The following SLC36A1 variants were observed in gnomAD, a reference collection of about 807,000 sequenced individuals.
SLC36A1 encodes solute carrier family 36 member 1, also known as proton-coupled amino acid transporter 1.
Under a neutral mutation model 47.5 loss-of-function variants are expected in SLC36A1, and 30 were observed. The observed-to-expected ratio is 0.63, with a 90% CI of 0.47 to 0.86. The LOEUF is 0.86. SLC36A1 is among the 40% of genes least tolerant of loss of function. SLC36A1 has a pLI of 0.00. For synonymous variants in SLC36A1, 255 were observed against 249.7 expected, an observed-to-expected ratio of 1.02 and a Z score of -0.20; for missense variants, 517 against 606.0, an observed-to-expected ratio of 0.85 and a Z score of 1.54.
At chr5:151,470,464 C>A (rs960407737) in intron 7 of SLC36A1, among the ~76,000 whole-genome samples, 1 of 152,204 alleles carries the variant, frequency 6.6e-6, no homozygotes, top group African/African-American at 2.4e-5. Context: ...TGCATAAGGG[C>A]AGCCCTGCTG....
chr5:151,527,170 A>G, the SLC36A1 span: 2 of 1,506,618 alleles, frequency 1.3e-6, no homozygotes, highest in Non-Finnish European at 1.8e-6. Context: ...ACTGAGGGGC[A>G]TCTTCTGCTA....
the SLC36A1 span, chr5:151,534,408 C>T: frequency 2.5e-6 from 4 of 1,604,160 alleles, no homozygotes; most frequent in Non-Finnish European, 3.4e-6. Context: ...CTCAGACTCA[C>T]CTTGGTCGGG....
the SLC36A1 span, chr5:151,509,952 C>A: frequency 3.2e-6 from 5 of 1,559,542 alleles, no homozygotes; most frequent in East Asian, 6.8e-5. Context: ...ATTGGACTTT[C>A]TAGAGGTCAG....
the SLC36A1 span, among the ~76,000 whole-genome samples, chr5:151,377,204 T>C: frequency 4.9e-3 from 747 of 152,264 alleles, 1 homozygote; most frequent in Non-Finnish European, 7.6e-3. Context: ...GGGTAGAATG[T>C]TCTGTAAATA....
the SLC36A1 span, among the ~76,000 whole-genome samples, chr5:151,345,789 G>A: frequency 6.6e-6 from 1 of 152,202 alleles, no homozygotes; most frequent in Non-Finnish European, 1.5e-5. Flanking sequence ...ACCAAACTGG[G>A]AGTTGGGAGA....
At chr5:151,418,708 A>G in the SLC36A1 span, among the ~76,000 whole-genome samples, 1 of 152,154 alleles carries the variant, frequency 6.6e-6, no homozygotes, top group Non-Finnish European at 1.5e-5. Context: ...GTCTTAGATG[A>G]GACTTTGGAC....
intron 2 of SLC36A1, among the ~76,000 whole-genome samples, chr5:151,462,063 C>T (rs1755601882): frequency 6.6e-6 from 1 of 151,696 alleles, no homozygotes; most frequent in Non-Finnish European, 1.5e-5. Context: ...AGAAATCAGC[C>T]CATCACCTCA....
chr5:151,537,712 C>G, the SLC36A1 span: 1 of 1,396,278 alleles, frequency 7.2e-7, no homozygotes, highest in Non-Finnish European at 9.7e-7. Flanking sequence ...TGTTTCTTCT[C>G]CAAGGAGAAT....
downstream of SLC36A1, among the ~76,000 whole-genome samples, chr5:151,494,131 A>G (rs1384227855): frequency 3.3e-5 from 5 of 152,158 alleles, no homozygotes; most frequent in African/African-American, 1.2e-4. Context: ...TACTGGAGGC[A>G]TAAACCTGAG....
chr5:151,468,270 T>G (rs867179544), intron 7 of SLC36A1, among the ~76,000 whole-genome samples: 1 of 65,930 alleles, frequency 1.5e-5, no homozygotes, highest in African/African-American at 7.5e-5. Context: ...AAAAAAAATA[T>G]ATATATATAT....
At chr5:151,414,191 G>T in the SLC36A1 span, among the ~76,000 whole-genome samples, 1 of 152,178 alleles carries the variant, frequency 6.6e-6, no homozygotes. Context: ...ATAAGGTAGT[G>T]ATTCCGCTGT....
the SLC36A1 span, among the ~76,000 whole-genome samples, chr5:151,372,621 A>G: frequency 1.4e-4 from 21 of 152,080 alleles, no homozygotes; most frequent in African/African-American, 4.1e-4. Flanking sequence ...TTTCATATAT[A>G]TATATTTTTA....
chr5:151,478,713 A>G (rs1758408294), intron 9 of SLC36A1, among the ~76,000 whole-genome samples: 1 of 152,118 alleles, frequency 6.6e-6, no homozygotes, highest in Non-Finnish European at 1.5e-5. Context: ...CCAATTTTAC[A>G]ATTTCCCATT....
chr5:151,464,603 GT>G lies in SLC36A1; in HGVS notation c.323+2del. 1.2e-6 allele frequency: 2 copies of G among 1,613,934 alleles called. No individual in the cohort carries two copies. Among genetic ancestry groups the G allele is most frequent in the Non-Finnish European group, 1.7e-6 (2 of 1,179,886 alleles). On this transcript the variant is annotated splice_donor_variant, in intron 4 of 10. Transcript: ENST00000243389. LOFTEE classifies it high-confidence loss of function. The stretch of plus-strand genomic sequence containing the variant: ...AATGTGCTCACCACTTCTGCCGCAG[GT>G]GAGAGCCCTCTGAGCCACCTCTCAA...
chr5:151,386,244 CA>C, the SLC36A1 span, among the ~76,000 whole-genome samples: 3 of 152,072 alleles, frequency 2.0e-5, no homozygotes, highest in South Asian at 2.1e-4. Context: ...GGCTGTTCAC[CA>C]AGCTGGCTTC....
chr5:151,542,986 T>C, the SLC36A1 span: 1 of 1,614,168 alleles, frequency 6.2e-7, no homozygotes, highest in Non-Finnish European at 8.5e-7. Context: ...TGCCACTGCT[T>C]TAACAATCCC....
At chr5:151,520,885 G>C in the SLC36A1 span, among the ~76,000 whole-genome samples, 2 of 152,196 alleles carry the variant, frequency 1.3e-5, no homozygotes, top group African/African-American at 4.8e-5. Context: ...GCAAGCACTT[G>C]ATACATAGTA....
chr5:151,488,028 TG>T lies in SLC36A1; in HGVS notation c.1207del (p.Val403TrpfsTer4). ...LIPRLDLVISLVGSVSSSALA... is the reference protein window; with the variant it reads ...LIPRLDLVISXVGSVSSSALA... ...CCCCGCCTGGACCTGGTCATCTCCC[TG>T]GTGGGCTCCGTGAGCAGCAGCGCCC... On this transcript the variant is annotated frameshift_variant, in exon 11 of 11. Coordinates refer to ENST00000243389, the MANE Select transcript of SLC36A1 (RefSeq NM_078483.4). LOFTEE classifies it high-confidence loss of function. 1 of 1,614,142 alleles carries T rather than the reference TG, an allele frequency of 6.2e-7. No homozygotes were observed. Among genetic ancestry groups the T allele is most frequent in the East Asian group, 2.2e-5 (1 of 44,868 alleles).
intron 10 of SLC36A1, among the ~76,000 whole-genome samples, chr5:151,485,609 G>A (rs1169853384): frequency 1.3e-5 from 2 of 152,200 alleles, no homozygotes; most frequent in Non-Finnish European, 2.9e-5. Context: ...CCAGGGGCTT[G>A]AGGTCCTGGA....
Sources: gnomAD v4.1 joint callset for allele counts (sites outside exome capture counted in the v4.1 genomes callset) on GRCh38, gnomAD v4.1.1 for gene constraint, MANE v1.5 for transcripts, NCBI Gene and HGNC (gene_info 2026-07-23, HGNC 2026-07-21) for gene names.